Variants in RBFOX1 observed in about 807,000 individuals in gnomAD.
RBFOX1 encodes the protein RNA binding protein fox-1 homolog 1.
Under a neutral mutation model 57.7 loss-of-function variants are expected in RBFOX1, and 8 were observed. The ratio of observed to expected loss-of-function variants is 0.14; its 90% CI spans 0.08 to 0.25. The LOEUF (loss-of-function observed/expected upper bound fraction) is 0.25, where lower values mean the gene tolerates loss of function less well. Ranked by LOEUF, RBFOX1 falls within the 10% of genes least tolerant of loss-of-function variation. The pLI, the probability that RBFOX1 is intolerant of heterozygous loss-of-function variation, is 1.00. For synonymous variants in RBFOX1, 326 were observed against 222.4 expected, an observed-to-expected ratio of 1.47 and a Z score of -4.15; for missense variants, 611 against 548.5, an observed-to-expected ratio of 1.11 and a Z score of -1.14.
At chr16:6,867,648 G>T (rs1265996281) in intron 3 of RBFOX1, among the ~76,000 whole-genome samples, 1 of 152,112 alleles carries the variant, frequency 6.6e-6, no homozygotes, top group Non-Finnish European at 1.5e-5. Flanking sequence ...GAACCCGGGA[G>T]GCAGAGGTTG....
chr16:5,503,693 C>T (rs905512281), intron 2 of RBFOX1, among the ~76,000 whole-genome samples: 1 of 152,122 alleles, frequency 6.6e-6, no homozygotes, highest in Non-Finnish European at 1.5e-5. Flanking sequence ...ATCCATCTGC[C>T]TCGGCCTCCC....
intron 3 of RBFOX1, among the ~76,000 whole-genome samples, chr16:6,783,973 T>C (rs1047605773): frequency 6.6e-6 from 1 of 152,200 alleles, no homozygotes; most frequent in Non-Finnish European, 1.5e-5. Context: ...CACTCCCTCA[T>C]GGCCTATAAG....
At chr16:7,006,960 C>G (rs1335524971) in intron 3 of RBFOX1, among the ~76,000 whole-genome samples, 1 of 152,134 alleles carries the variant, frequency 6.6e-6, no homozygotes, top group Non-Finnish European at 1.5e-5. Flanking sequence ...TAGTTTTCTA[C>G]CACTGCCAGA....
At chr16:5,490,333 C>T (rs960359567) in intron 2 of RBFOX1, among the ~76,000 whole-genome samples, 3 of 152,164 alleles carry the variant, frequency 2.0e-5, no homozygotes, top group Non-Finnish European at 4.4e-5. Flanking sequence ...GTATCACCTG[C>T]CCCCCTTACA....
intron 3 of RBFOX1, among the ~76,000 whole-genome samples, chr16:6,925,302 T>G (rs1438159964): frequency 6.7e-6 from 1 of 149,404 alleles, no homozygotes; most frequent in Admixed American, 6.6e-5. Flanking sequence ...CCCATTTAAC[T>G]TTTGTAGAGA....
intron 3 of RBFOX1, among the ~76,000 whole-genome samples, chr16:5,657,692 C>CTTTCTT (rs2049490197): frequency 1.6e-5 from 2 of 122,894 alleles, no homozygotes; most frequent in Non-Finnish European, 3.4e-5. Context: ...TTCTTTCTTT[C>CTTTCTT]TTTCTCCTTC....
intron 4 of RBFOX1, among the ~76,000 whole-genome samples, chr16:7,515,503 A>C (rs2076167581): frequency 6.6e-6 from 1 of 152,070 alleles, no homozygotes; most frequent in Non-Finnish European, 1.5e-5. Context: ...ACACACACAC[A>C]AATGGAGATC....
At chr16:6,985,059 C>G (rs186018526) in intron 3 of RBFOX1, among the ~76,000 whole-genome samples, 1 of 137,646 alleles carries the variant, frequency 7.3e-6, no homozygotes, top group East Asian at 2.3e-4. Context: ...GTTAGTTCCT[C>G]TGGATTTCAT....
At chr16:7,668,664 A>G (rs962054525) in intron 13 of RBFOX1, among the ~76,000 whole-genome samples, 5 of 150,918 alleles carry the variant, frequency 3.3e-5, no homozygotes, top group African/African-American at 1.2e-4. Flanking sequence ...AGAACAGAAC[A>G]CACACACACA....
intron 1 of RBFOX1, among the ~76,000 whole-genome samples, chr16:6,196,614 G>C (rs532148389): frequency 6.5e-4 from 99 of 152,092 alleles, no homozygotes; most frequent in Middle Eastern, 3.2e-3. Flanking sequence ...TGGAAATAGA[G>C]AAATAACATG....
intron 2 of RBFOX1, among the ~76,000 whole-genome samples, chr16:6,629,170 A>G (rs2098350809): frequency 6.6e-6 from 1 of 152,260 alleles, no homozygotes; most frequent in South Asian, 2.1e-4. Flanking sequence ...AGAATAATGC[A>G]GTATGCAGAT....
chr16:5,561,474 C>T (rs2045888184), intron 2 of RBFOX1, among the ~76,000 whole-genome samples: 2 of 151,906 alleles, frequency 1.3e-5, no homozygotes. Flanking sequence ...ATAGACACTT[C>T]TGGAAGCAGG....
intron 1 of RBFOX1, among the ~76,000 whole-genome samples, chr16:6,122,154 C>T (rs2096555125): frequency 1.3e-5 from 2 of 152,108 alleles, no homozygotes; most frequent in African/African-American, 2.4e-5. Flanking sequence ...GATCCGCCCA[C>T]CTTGGTCTTC....
chr16:6,067,557 T>A (rs2095783492), intron 1 of RBFOX1, among the ~76,000 whole-genome samples: 3 of 152,222 alleles, frequency 2.0e-5, no homozygotes, highest in African/African-American at 7.2e-5. Context: ...ACTATTTTGA[T>A]GAAATATGTT....
Position 6,257,471 on chromosome 16 carries a change from A to G in RBFOX1, c.-126-59524A>G, listed in dbSNP as rs548382829. Among the ~76,000 whole-genome samples, 15 of 151,998 alleles carry G rather than the reference A, an allele frequency of 9.9e-5. 1 individual carries two copies. In the South Asian group the frequency reaches 1.2e-3, roughly 13 times the overall value. ...AGGGGCACACGTGCAGGTTTGTTAC[A>G]TAGGTACACTTTTGTCCTGGGGGTT... On this transcript the variant is annotated intron_variant, in intron 1 of 15. Coordinates refer to ENST00000550418, the MANE Select transcript of RBFOX1 (RefSeq NM_018723.4).
At chr16:7,414,441 T>C (rs2098459741) in intron 4 of RBFOX1, among the ~76,000 whole-genome samples, 1 of 152,176 alleles carries the variant, frequency 6.6e-6, no homozygotes, top group Non-Finnish European at 1.5e-5. Flanking sequence ...AATCTTCAAT[T>C]AAAATGTGAT....
chr16:6,229,820 C>G (rs768726111), intron 1 of RBFOX1, among the ~76,000 whole-genome samples: 1 of 151,856 alleles, frequency 6.6e-6, no homozygotes, highest in Non-Finnish European at 1.5e-5. Context: ...ATATCTTAGA[C>G]TCGGTGGTCT....
intron 1 of RBFOX1, among the ~76,000 whole-genome samples, chr16:6,283,447 A>G (rs576573437): frequency 9.5e-4 from 144 of 152,164 alleles, no homozygotes; most frequent in Non-Finnish European, 1.7e-3. Flanking sequence ...TCTCAAGCAG[A>G]TTCTGCCATT....
chr16:5,802,950 CT>C (rs750893994), intron 3 of RBFOX1, among the ~76,000 whole-genome samples: 10 of 152,158 alleles, frequency 6.6e-5, no homozygotes, highest in Non-Finnish European at 1.5e-4. Context: ...TTGTCTTGAA[CT>C]TTACCAGGAT....
Sources: gnomAD v4.1 joint callset for allele counts (sites outside exome capture counted in the v4.1 genomes callset) on GRCh38, gnomAD v4.1.1 for gene constraint, MANE v1.5 for transcripts, NCBI Gene and HGNC (gene_info 2026-07-23, HGNC 2026-07-21) for gene names.